CD163: variants seen among roughly 807,000 people sequenced by gnomAD.
CD163 encodes the protein CD163 molecule.
A neutral mutation model predicts 129.2 loss-of-function variants in CD163; 64 were observed. The observed-to-expected ratio is 0.50, with a 90% CI of 0.41 to 0.61. CD163 has a LOEUF of 0.61. CD163 is among the 20% of genes least tolerant of loss of function. CD163 has a pLI of 0.00. For synonymous variants in CD163, 446 were observed against 478.5 expected, an observed-to-expected ratio of 0.93 and a Z score of 0.89; for missense variants, 1,061 against 1,377.9, an observed-to-expected ratio of 0.77 and a Z score of 3.64.
chr12:7,502,720 G>A (rs1456114578), intron 1 of CD163, 156 bp from the exon 2 acceptor site: 1 of 655,926 alleles, frequency 1.5e-6, no homozygotes, highest in Non-Finnish European at 2.7e-6. Context: ...TTCATACCCA[G>A]GCTCATATAG....
rs1037312973 is a variant in CD163 at position 7,496,369 on chromosome 12, C to CTAAT, written c.1099+440_1099+443dup. Among the ~76,000 whole-genome samples the CTAAT allele has an allele frequency of 6.6e-6, 1 of 151,704 alleles. No homozygotes were observed. Among genetic ancestry groups the CTAAT allele is most frequent in the African/African-American group, 2.4e-5 (1 of 41,224 alleles). ...GGAGGGAGAGCATTAGGACAAATAC[C>CTAAT]TAATGCATGGGGGGTTAAAACCTAG... On this transcript the variant is annotated intron_variant, in intron 5 of 16. Transcript: ENST00000432237. This position sits in a 1 kb window ranked among gnomAD's most constrained non-coding sequence, Gnocchi z 4.8.
At chr12:7,484,135 C>T (rs1949214107) in intron 11 of CD163, among the ~76,000 whole-genome samples, 1 of 151,550 alleles carries the variant, frequency 6.6e-6, no homozygotes. Flanking sequence ...CCGTGCCTGG[C>T]CTAAAATTTA....
At chr12:7,483,841 A>ATATATTTT (rs1442991429) in intron 11 of CD163, 166 bp from the exon 12 acceptor site, 2 of 109,990 alleles carry the variant, frequency 1.8e-5, no homozygotes, top group African/African-American at 7.6e-5. Flanking sequence ...ATATATATAT[A>ATATATTTT]TTTTTTTTTT....
At chr12:7,489,972 T>TA (rs1949306429) in intron 6 of CD163, among the ~76,000 whole-genome samples, 2 of 152,034 alleles carry the variant, frequency 1.3e-5, no homozygotes, top group Admixed American at 1.3e-4. Flanking sequence ...TCTCTCTACT[T>TA]AAAATTTATT....
At chr12:7,475,097 CAA>C (rs58901449) in intron 16 of CD163, among the ~76,000 whole-genome samples, 9,660 of 93,718 alleles carry the variant, frequency 0.1, 561 homozygotes, top group Admixed American at 0.26. Context: ...GCCTACCAAC[CAA>C]AAAAAAAAAA....
chr12:7,498,815 C>G, intron 4 of CD163, 53 bp downstream of exon 4: 1 of 1,485,424 alleles, frequency 6.7e-7, no homozygotes, highest in Middle Eastern at 1.8e-4. Flanking sequence ...GATTTATTAC[C>G]CCTTTCTTTT....
In CD163 at chr12:7,487,014, C is replaced by T. The variant is rs1949260715; in HGVS notation, c.2051-28G>A. 2 of 1,571,356 alleles carry T rather than the reference C, an allele frequency of 1.3e-6. No individual in the cohort carries two copies. Among genetic ancestry groups the T allele is most frequent in the South Asian group, 2.2e-5 (2 of 89,656 alleles). On this transcript the variant is annotated intron_variant, in intron 8 of 16. Coordinates refer to ENST00000432237, the MANE Select transcript of CD163 (RefSeq NM_203416.4). This position sits in a 1 kb window ranked among gnomAD's most constrained non-coding sequence, Gnocchi z 5.1. The stretch of plus-strand genomic sequence containing the variant: ...GCAAACACCAAGGTACTCAGTCATA[C>T]AAGACACAAAAGGTTAGGGGAGTCA...
chr12:7,497,277 A>G, intron 4 of CD163, 144 bp from the exon 5 acceptor site: 1 of 669,922 alleles, frequency 1.5e-6, no homozygotes, highest in Non-Finnish European at 2.5e-6. Flanking sequence ...TACCACTGGA[A>G]ATCATTCAAG....
rs181880710 is a variant in CD163 at position 7,470,955 on chromosome 12, T to C, written c.*474A>G. On this transcript the variant is annotated 3_prime_UTR_variant, in exon 17 of 17. Transcript: ENST00000432237. ...TACAGACCCTTCAATATCATTAACTTTTCCTGTCTTAGAAAAACTAAAGTA... is the reference window on the plus strand; with the variant it reads ...TACAGACCCTTCAATATCATTAACTCTTCCTGTCTTAGAAAAACTAAAGTA... 1 of 152,254 alleles carries C rather than the reference T, an allele frequency of 6.6e-6. No individual in the cohort carries two copies. Among genetic ancestry groups the C allele is most frequent in the Admixed American group, 6.5e-5 (1 of 15,272 alleles). 9.4% of individuals were successfully genotyped at this position (152,254 alleles called of 1,614,324 possible).
At position 7,501,128 on chromosome 12, in the gene CD163, G is replaced by A. The variant is rs373919753; in HGVS notation, c.457+11C>T. 117 of 1,610,556 alleles carry A rather than the reference G, an allele frequency of 7.3e-5. No homozygotes were observed. The African/African-American group carries it at 1.5e-3, about 21-fold the overall frequency. ...ATTTTGTGTTGAGGCTTTGACTAAT[G>A]CAAGTCTTACCTGAGCAGGTCACTC... On this transcript the variant is annotated intron_variant, in intron 3 of 16. Transcript: ENST00000432237.
At chr12:7,497,585 A>T (rs1426549292) in intron 4 of CD163, among the ~76,000 whole-genome samples, 2 of 149,546 alleles carry the variant, frequency 1.3e-5, no homozygotes, top group Non-Finnish European at 2.9e-5. Context: ...ACCTGTTGTG[A>T]CCACTTCCTT....
At chr12:7,497,161 C>G in intron 4 of CD163, 28 bp from the exon 5 acceptor site, 1 of 1,577,168 alleles carries the variant, frequency 6.3e-7, no homozygotes, top group African/African-American at 1.4e-5. Context: ...AACAGGTCTG[C>G]GATAAGGAAG....
intron 6 of CD163, among the ~76,000 whole-genome samples, chr12:7,491,294 G>A (rs1949323941): frequency 6.6e-6 from 1 of 152,042 alleles, no homozygotes; most frequent in Non-Finnish European, 1.5e-5. Context: ...AAAGTGACTT[G>A]GAGACTCCAT....
rs748750295 is a variant in CD163 at position 7,482,666 on chromosome 12, C to T, written c.3224G>A (p.Arg1075Gln). The change falls in exon 14 of 17, where the codon CGA becomes CAA. Residue 1075 changes from arginine (R) to glutamine (Q), a missense_variant. Arg to Gln is a conservative substitution (Grantham distance 43). Coordinates refer to ENST00000432237, the MANE Select transcript of CD163 (RefSeq NM_203416.4). ...ACCTGCAAGCCGCTGTCTCTGTCTT[C>T]GCTTTTTAGTCAAGAAGAATAATGC... ...FVALFFLTKK[R>Q]RQRQRLAVSS... The T allele has an allele frequency of 3.7e-6, 6 of 1,614,116 alleles. No individual in the cohort carries two copies. Among genetic ancestry groups the T allele is most frequent in the Middle Eastern group, 1.7e-4 (1 of 6,060 alleles).
chr12:7,477,089 C>G (rs748794482), intron 16 of CD163, among the ~76,000 whole-genome samples: 2 of 152,140 alleles, frequency 1.3e-5, no homozygotes, highest in East Asian at 1.9e-4. Flanking sequence ...CAGGAAACAA[C>G]GGATGCTGGA....
chr12:7,502,489 GT>G lies in CD163; in HGVS notation c.121del (p.Thr41ProfsTer11), dbSNP rs768665504. 4 of 1,593,980 alleles carry G rather than the reference GT, an allele frequency of 2.5e-6. No homozygotes were observed. Among genetic ancestry groups the G allele is most frequent in the Non-Finnish European group, 3.4e-6 (4 of 1,161,670 alleles). On this transcript the variant is annotated frameshift_variant, in exon 2 of 17. Transcript: ENST00000432237. LOFTEE classifies it high-confidence loss of function. ...GACAAAGTACTCACCAAGAGAACTG[GT>G]GACAAAACAGGCACTGAGAAGTAAG... ...VVLLLSACFV[T>X]SSLGGTDKEL...
At chr12:7,493,171 A>G (rs1949348191) in intron 6 of CD163, among the ~76,000 whole-genome samples, 1 of 152,196 alleles carries the variant, frequency 6.6e-6, no homozygotes, top group Admixed American at 6.5e-5. Context: ...CCCTAAACCA[A>G]TATTAGCAGA....
chr12:7,486,569 C>A lies in CD163; in HGVS notation c.2388G>T (p.Trp796Cys), dbSNP rs781511016. 1.2e-6 allele frequency: 2 copies of A among 1,614,212 alleles called. No individual in the cohort carries two copies. The highest frequency in any genetic ancestry group is 1.7e-6 in the Non-Finnish European group (2 of 1,180,042). ...GCCCCCAGCCGTGTGAATGGCACTG[C>A]CAAATGCGGGATTCTTTTCCATTGC... ...MKCNGKESRIWQCHSHGWGQQ... is the reference protein window; with the variant it reads ...MKCNGKESRICQCHSHGWGQQ... Residue 796 changes from tryptophan (W) to cysteine (C), a missense_variant, in exon 10 of 17, where the codon TGG (tryptophan) becomes TGT (cysteine). Transcript: ENST00000432237.
At chr12:7,502,370 T>C in intron 2 of CD163, 108 bp downstream of exon 2, 1 of 767,118 alleles carries the variant, frequency 1.3e-6, no homozygotes, top group Admixed American at 1.8e-5. Context: ...ACATGGAGCA[T>C]GTCACCTAGT....
Sources: allele counts gnomAD v4.1 joint callset (sites outside exome capture counted in the v4.1 genomes callset), GRCh38; gene constraint gnomAD v4.1.1; non-coding constraint Gnocchi (gnomAD v3.1); transcripts MANE v1.5; gene names NCBI Gene and HGNC (gene_info 2026-07-23, HGNC 2026-07-21).